Variants in ROBO1 observed in about 807,000 individuals in gnomAD.
ROBO1 encodes roundabout guidance receptor 1.
Under a neutral mutation model 195.9 loss-of-function variants are expected in ROBO1, and 149 were observed. That is an observed-to-expected ratio of 0.76 (90% confidence interval 0.67 to 0.87). ROBO1 has a LOEUF of 0.87. Among genes scored for constraint, ROBO1 ranks in the 40% least tolerant of loss-of-function variants. The probability of loss-of-function intolerance (pLI) is 0.00; values close to 1 mark genes in which losing one functional copy is unlikely to be tolerated. For missense variants in ROBO1, 1,933 were observed against 2,068.3 expected (o/e 0.93, Z 1.27); for synonymous variants, 816 against 733.2 (o/e 1.11, Z -1.82).
chr3:79,575,164 A>AATATATATAAATTTATATAAC (rs1943416402), intron 2 of ROBO1, among the ~76,000 whole-genome samples: 1 of 96,892 alleles, frequency 1.0e-5, no homozygotes, highest in Non-Finnish European at 1.9e-5. Context: ...ATATATAACA[A>AATATATATAAATTTATATAAC]ATATATATAA....
At chr3:78,709,365 A>G (rs1256218921) in intron 8 of ROBO1, among the ~76,000 whole-genome samples, 3 of 152,088 alleles carry the variant, frequency 2.0e-5, no homozygotes, top group Non-Finnish European at 4.4e-5. Context: ...TACCATGTAT[A>G]CCAATATGCA....
Position 79,605,584 on chromosome 3 carries a change from C to T in ROBO1, c.-50-15623G>A, listed in dbSNP as rs1260123587. On this transcript the variant is annotated intron_variant, in intron 1 of 30. Transcript: ENST00000464233. The stretch of plus-strand genomic sequence containing the variant: ...ACCATTCAGGTACTCAGGCTAGATT[C>T]CTGAGAACCAGCTTCTTGTTCCAAC... 2.0e-5 allele frequency among the ~76,000 whole-genome samples: 3 copies of T among 151,942 alleles called. No homozygotes were observed. In the South Asian group the frequency reaches 6.2e-4, roughly 32 times the overall value.
intron 3 of ROBO1, among the ~76,000 whole-genome samples, chr3:79,041,535 C>G (rs2078487705): frequency 6.6e-6 from 1 of 151,384 alleles, no homozygotes; most frequent in African/African-American, 2.4e-5. Flanking sequence ...ATCAAATTAA[C>G]AGTTATATTT....
At chr3:78,725,019 T>C (rs1405257349) in intron 5 of ROBO1, among the ~76,000 whole-genome samples, 1 of 152,202 alleles carries the variant, frequency 6.6e-6, no homozygotes, top group Non-Finnish European at 1.5e-5. Flanking sequence ...CACTATTCAA[T>C]TAACATAATC....
At chr3:78,655,008 C>A (rs1706911778) in intron 18 of ROBO1, among the ~76,000 whole-genome samples, 1 of 152,104 alleles carries the variant, frequency 6.6e-6, no homozygotes, top group Admixed American at 6.5e-5. Context: ...CTCATATAAA[C>A]GTTCAACAGA....
intron 2 of ROBO1, among the ~76,000 whole-genome samples, chr3:79,176,292 T>C (rs2108716466): frequency 6.6e-6 from 1 of 152,346 alleles, no homozygotes; most frequent in South Asian, 2.1e-4. Context: ...CTCTCTCTGC[T>C]TAATGTCATG....
chr3:79,099,545 G>A (rs558857086), intron 3 of ROBO1, among the ~76,000 whole-genome samples: 33 of 151,760 alleles, frequency 2.2e-4, no homozygotes, highest in African/African-American at 7.7e-4. Flanking sequence ...TTGAAAATGT[G>A]TGATCAAATT....
At chr3:79,664,501 G>A (rs1313878575) in intron 1 of ROBO1, among the ~76,000 whole-genome samples, 1 of 151,980 alleles carries the variant, frequency 6.6e-6, no homozygotes, top group African/African-American at 2.4e-5. Flanking sequence ...CTAACTTAAT[G>A]TCAGAAATAT....
At chr3:79,202,369 A>C (rs1422903216) in intron 2 of ROBO1, among the ~76,000 whole-genome samples, 1 of 152,126 alleles carries the variant, frequency 6.6e-6, no homozygotes, top group Non-Finnish European at 1.5e-5. Flanking sequence ...ATCTAATGGA[A>C]TCTAACAGAA....
chr3:79,500,011 T>A (rs1203829493), intron 2 of ROBO1, among the ~76,000 whole-genome samples: 3 of 151,782 alleles, frequency 2.0e-5, no homozygotes, highest in South Asian at 2.1e-4. Flanking sequence ...TTACACCGTA[T>A]TAGTCAGGCT....
At chr3:79,488,617 T>C (rs1260098883) in intron 2 of ROBO1, among the ~76,000 whole-genome samples, 1 of 152,216 alleles carries the variant, frequency 6.6e-6, no homozygotes, top group Non-Finnish European at 1.5e-5. Context: ...TGAATTGCTG[T>C]CTCAGCATTA....
intron 3 of ROBO1, among the ~76,000 whole-genome samples, chr3:79,036,814 G>C (rs1464183718): frequency 6.6e-6 from 1 of 152,104 alleles, no homozygotes; most frequent in African/African-American, 2.4e-5. Flanking sequence ...ATTACACTAT[G>C]CTGGATATGA....
chr3:79,463,929 T>A (rs11916241), intron 2 of ROBO1, among the ~76,000 whole-genome samples: 5,227 of 152,252 alleles, frequency 0.034, 204 homozygotes, highest in African/African-American at 0.098. Flanking sequence ...CACTCATTGC[T>A]CATTCACATC....
chr3:79,244,645 A>G (rs2082589290), intron 2 of ROBO1, among the ~76,000 whole-genome samples: 1 of 152,086 alleles, frequency 6.6e-6, no homozygotes, highest in Non-Finnish European at 1.5e-5. Context: ...TAAAGTAGAT[A>G]GGAGACAGGC....
intron 4 of ROBO1, among the ~76,000 whole-genome samples, chr3:78,829,963 T>A (rs1406858725): frequency 6.6e-6 from 1 of 152,174 alleles, no homozygotes; most frequent in Non-Finnish European, 1.5e-5. Flanking sequence ...CACAAACTTA[T>A]GGGTGAATTT....
At chr3:78,657,446 A>C (rs1439184327) in intron 17 of ROBO1, among the ~76,000 whole-genome samples, 177 bp from the exon 18 acceptor site, 1 of 152,196 alleles carries the variant, frequency 6.6e-6, no homozygotes, top group Admixed American at 6.5e-5. Flanking sequence ...CTTCTGGTCA[A>C]GTTTAACGTT....
At chr3:79,680,055 A>G (rs1024435180) in intron 1 of ROBO1, among the ~76,000 whole-genome samples, 2 of 152,056 alleles carry the variant, frequency 1.3e-5, no homozygotes, top group Admixed American at 1.3e-4. Flanking sequence ...TGCATATGCT[A>G]CGTGCTCATC....
chr3:78,793,295 A>C (rs2084081553), intron 4 of ROBO1, among the ~76,000 whole-genome samples: 1 of 152,196 alleles, frequency 6.6e-6, no homozygotes, highest in Admixed American at 6.5e-5. Flanking sequence ...CTTGTTTTTA[A>C]CAAAGAATGC....
At chr3:79,397,259 T>C (rs2037191851) in intron 2 of ROBO1, among the ~76,000 whole-genome samples, 1 of 150,830 alleles carries the variant, frequency 6.6e-6, no homozygotes, top group African/African-American at 2.4e-5. Context: ...TTAATAATCA[T>C]ATATATATAT....
Sources: gnomAD v4.1 joint callset for allele counts (sites outside exome capture counted in the v4.1 genomes callset) on GRCh38, gnomAD v4.1.1 for gene constraint, MANE v1.5 for transcripts, NCBI Gene and HGNC (gene_info 2026-07-23, HGNC 2026-07-21) for gene names.